Variants in STIM1 observed in about 807,000 individuals in gnomAD.
STIM1 encodes stromal interaction molecule 1.
In STIM1, 25 loss-of-function variants were observed where a neutral mutation model predicts 74.7. That is an observed-to-expected ratio of 0.33 (90% CI 0.24 to 0.47). STIM1 has a LOEUF of 0.47. Among genes scored for constraint, STIM1 ranks in the 20% least tolerant of loss-of-function variants. STIM1 has a pLI of 1.00. For missense variants in STIM1, 728 were observed against 920.8 expected, an observed-to-expected ratio of 0.79 and a Z score of 2.71; for synonymous variants, 328 against 348.8, an observed-to-expected ratio of 0.94 and a Z score of 0.66.
intron 3 of STIM1, among the ~76,000 whole-genome samples, chr11:4,043,564 G>A (rs761964262): frequency 1.1e-4 from 16 of 152,126 alleles, no homozygotes; most frequent in Admixed American, 2.0e-4. Flanking sequence ...ACTAGAGGTG[G>A]TATTTATGTT....
At chr11:3,989,392 A>G in intron 2 of STIM1, 1 of 763,212 alleles carries the variant, frequency 1.3e-6, no homozygotes, top group Non-Finnish European at 2.5e-6. Context: ...TTTAGCAGAC[A>G]ACCGCGCCGA....
At chr11:3,984,129 GTACTGGGAC>G (rs1390082327) in intron 2 of STIM1, among the ~76,000 whole-genome samples, 3 of 152,124 alleles carry the variant, frequency 2.0e-5, no homozygotes, top group Non-Finnish European at 4.4e-5. Flanking sequence ...GCCTCCTAAA[GTACTGGGAC>G]TACAGGTGTG....
chr11:3,869,349 T>G (rs1286715198), intron 1 of STIM1, among the ~76,000 whole-genome samples: 2 of 152,208 alleles, frequency 1.3e-5, no homozygotes, highest in African/African-American at 2.4e-5. Context: ...GGTCTCTCAC[T>G]TTATAGCTTT....
At chr11:4,067,725 G>A (rs1214162781) in intron 5 of STIM1, among the ~76,000 whole-genome samples, 3 of 152,178 alleles carry the variant, frequency 2.0e-5, no homozygotes, top group Admixed American at 6.5e-5. Context: ...GATAAGAGAC[G>A]ATGAATATAA....
rs574824528 is a variant in STIM1 at position 4,042,656 on chromosome 11, A to G, written c.386-12870A>G. On this transcript the variant is annotated intron_variant, in intron 3 of 12. Transcript: ENST00000526596. ...TACCTCATTCTCCTTGACCCTATATATAACTCTTGGACTCCAGACAAACTA... is the reference window on the plus strand; with the variant it reads ...TACCTCATTCTCCTTGACCCTATATGTAACTCTTGGACTCCAGACAAACTA... Among the ~76,000 whole-genome samples, 81 of 152,312 alleles carry G rather than the reference A, an allele frequency of 5.3e-4. 1 individual carries two copies. The highest frequency in any genetic ancestry group is 1.9e-3 in the African/African-American group (79 of 41,584).
At chr11:3,973,307 A>T (rs775793464) in intron 2 of STIM1, 5 of 462,034 alleles carry the variant, frequency 1.1e-5, no homozygotes, top group Non-Finnish European at 2.1e-5. Flanking sequence ...TTCCAGAACC[A>T]TTTCGACCTC....
At chr11:3,996,111 G>T (rs1471520083) in intron 2 of STIM1, among the ~76,000 whole-genome samples, 5 of 152,122 alleles carry the variant, frequency 3.3e-5, no homozygotes, top group African/African-American at 1.2e-4. Flanking sequence ...CTCTGTCACA[G>T]ATGAGGTCAT....
At chr11:4,078,949 A>G (rs1487723684) in intron 7 of STIM1, among the ~76,000 whole-genome samples, 1 of 152,164 alleles carries the variant, frequency 6.6e-6, no homozygotes, top group Non-Finnish European at 1.5e-5. Flanking sequence ...TATTTAACCT[A>G]TTAGAAATTA....
Position 3,895,608 on chromosome 11 carries a change from C to CTCTT in STIM1, c.139+39262_139+39265dup, listed in dbSNP as rs1157112648. On this transcript the variant is annotated intron_variant, in intron 1 of 12. Coordinates refer to ENST00000526596, the MANE Select transcript of STIM1 (RefSeq NM_001382567.1). ...CGGGAATAGTGTTCTTTCTTTCTCT[C>CTCTT]TCTTTCTTTCTTTCTTTCTTTCTTT... Among the ~76,000 whole-genome samples, 170 of 53,088 alleles carry CTCTT rather than the reference C, an allele frequency of 3.2e-3. 5 individuals are homozygous for CTCTT. Among genetic ancestry groups the CTCTT allele is most frequent in the East Asian group, 7.2e-3 (9 of 1,248 alleles). 34.8% of individuals were successfully genotyped at this position (53,088 alleles called of 152,430 possible).
Position 3,991,106 on chromosome 11 carries a change from A to G in STIM1, c.270+23424A>G, listed in dbSNP as rs375656428. On this transcript the variant is annotated intron_variant, in intron 2 of 12. Transcript: ENST00000526596. The stretch of plus-strand genomic sequence containing the variant: ...TAATTCACTTAGGATAATGGCATCC[A>G]GCTGCATTCATGTTGCTGCAAAATA... Among the ~76,000 whole-genome samples the G allele has an allele frequency of 2.0e-4, 30 of 151,878 alleles. 1 individual carries two copies. The highest frequency in any genetic ancestry group is 1.5e-3 in the South Asian group (7 of 4,808).
intron 1 of STIM1, among the ~76,000 whole-genome samples, chr11:3,953,590 G>T (rs1028866847): frequency 6.6e-6 from 1 of 152,060 alleles, no homozygotes; most frequent in Admixed American, 6.6e-5. Context: ...CCAACCTAGG[G>T]CAAAACAACC....
chr11:3,974,013 G>A (rs1384818670), intron 2 of STIM1: 9 of 687,892 alleles, frequency 1.3e-5, no homozygotes, highest in African/African-American at 5.3e-5. Flanking sequence ...ACCTTATGTA[G>A]CCTTGCATTC....
At chr11:3,923,330 C>T (rs972749319) in intron 1 of STIM1, among the ~76,000 whole-genome samples, 10 of 152,030 alleles carry the variant, frequency 6.6e-5, no homozygotes, top group South Asian at 2.1e-4. Flanking sequence ...ATTCCTGGGC[C>T]GAGCGCAGTG....
intron 1 of STIM1, among the ~76,000 whole-genome samples, chr11:3,882,141 C>G (rs1482330213): frequency 3.4e-5 from 5 of 145,370 alleles, no homozygotes; most frequent in Non-Finnish European, 6.0e-5. Flanking sequence ...CTCTTGTTGC[C>G]CAGGCTGGAG....
intron 4 of STIM1, among the ~76,000 whole-genome samples, chr11:4,057,515 C>G (rs1369226372): frequency 6.6e-6 from 1 of 152,120 alleles, no homozygotes; most frequent in African/African-American, 2.4e-5. Context: ...CTGGCTTTGC[C>G]ACTTACTTGT....
At chr11:3,890,295 CTG>C (rs1176485758) in intron 1 of STIM1, among the ~76,000 whole-genome samples, 3 of 152,190 alleles carry the variant, frequency 2.0e-5, no homozygotes, top group African/African-American at 7.2e-5. Context: ...TTTTCCAAAT[CTG>C]TGATTTCTGT....
intron 1 of STIM1, among the ~76,000 whole-genome samples, chr11:3,864,364 G>A (rs192054242): frequency 2.2e-3 from 328 of 152,250 alleles, no homozygotes; most frequent in Non-Finnish European, 3.6e-3. Context: ...AGCTTGACTG[G>A]GTACCTCTGG....
In STIM1 at chr11:3,856,139, G is replaced by T; in HGVS notation, c.-132G>T. The T allele has an allele frequency of 2.4e-6, 3 of 1,244,300 alleles. No individual in the cohort carries two copies. Among genetic ancestry groups the T allele is most frequent in the Non-Finnish European group, 2.3e-6 (2 of 866,060 alleles). 77.1% of individuals were successfully genotyped at this position (1,244,300 alleles called of 1,614,324 possible). Reference sequence around the variant, plus strand: ...GGCTGTTGGAGGGGGCAGGCTCGCGGGTGGCTGGACAGCTGCGGAGCCGCG... The same window carrying T: ...GGCTGTTGGAGGGGGCAGGCTCGCGTGTGGCTGGACAGCTGCGGAGCCGCG... On this transcript the variant is annotated 5_prime_UTR_variant, in exon 1 of 13. Transcript: ENST00000526596.
At chr11:3,891,874 G>A (rs565668473) in intron 1 of STIM1, among the ~76,000 whole-genome samples, 3 of 152,284 alleles carry the variant, frequency 2.0e-5, no homozygotes, top group African/African-American at 7.2e-5. Context: ...GGGCTATACC[G>A]CAAGTTGTAG....
Sources: gnomAD v4.1 joint callset for allele counts (sites outside exome capture counted in the v4.1 genomes callset) on GRCh38, gnomAD v4.1.1 for gene constraint, MANE v1.5 for transcripts, NCBI Gene and HGNC (gene_info 2026-07-23, HGNC 2026-07-21) for gene names.